ARHGEF26: variants seen among roughly 807,000 people sequenced by gnomAD.
ARHGEF26 encodes Rho guanine nucleotide exchange factor 26, also known as Rho guanine nucleotide exchange factor (GEF) 26.
In ARHGEF26, 59 loss-of-function variants were observed where a neutral mutation model predicts 89.4. That is an observed-to-expected ratio of 0.66 (90% confidence interval 0.54 to 0.82). The LOEUF (loss-of-function observed/expected upper bound fraction) is 0.82. Among genes scored for constraint, ARHGEF26 ranks in the 40% least tolerant of loss-of-function variants. The pLI is 0.00. For synonymous variants in ARHGEF26, 500 were observed against 428.4 expected (o/e 1.17, Z -2.06); for missense variants, 1,234 against 1,085.6 (o/e 1.14, Z -1.92).
chr3:154,228,741 G>C (rs1716646319), intron 11 of ARHGEF26, among the ~76,000 whole-genome samples: 1 of 152,178 alleles, frequency 6.6e-6, no homozygotes, highest in East Asian at 1.9e-4. Context: ...TCAAGGAGGC[G>C]AACTGCAAAT....
At chr3:154,132,165 T>C (rs972562310) in intron 4 of ARHGEF26, among the ~76,000 whole-genome samples, 6 of 152,224 alleles carry the variant, frequency 3.9e-5, no homozygotes, top group African/African-American at 1.4e-4. Flanking sequence ...GTGTCTTCTT[T>C]TCACTTACAT....
chr3:154,256,960 A>G lies in ARHGEF26; in HGVS notation c.*1487A>G. 6 of 1,532,086 alleles carry G rather than the reference A, an allele frequency of 3.9e-6. No individual in the cohort carries two copies. Among genetic ancestry groups the G allele is most frequent in the East Asian group, 2.5e-5 (1 of 40,752 alleles). The allele number at this position is 1,532,086 out of a possible 1,614,324, so 94.9% of individuals were successfully genotyped here. ...GGGGAAATGATTTTTACTGGCAGCT[A>G]TATTCCCTCTCTGTTCTATTTGCTT... On this transcript the variant is annotated 3_prime_UTR_variant, in exon 15 of 15. Coordinates refer to ENST00000465093, the MANE Select transcript of ARHGEF26 (RefSeq NM_015595.4).
intron 12 of ARHGEF26, among the ~76,000 whole-genome samples, chr3:154,249,859 C>T (rs188682634): frequency 6.5e-4 from 99 of 152,272 alleles, no homozygotes; most frequent in East Asian, 1.9e-4. Flanking sequence ...TATATCGATA[C>T]GTCCCTGGAG....
chr3:154,224,774 G>A (rs1412662890), intron 10 of ARHGEF26, among the ~76,000 whole-genome samples: 1 of 152,076 alleles, frequency 6.6e-6, no homozygotes, highest in Non-Finnish European at 1.5e-5. Context: ...TTTTATCTTC[G>A]TTTTTTGGAC....
At chr3:154,147,978 A>G (rs967081565) in intron 4 of ARHGEF26, among the ~76,000 whole-genome samples, 5 of 152,130 alleles carry the variant, frequency 3.3e-5, no homozygotes, top group African/African-American at 1.2e-4. Flanking sequence ...AGTCTCTGAA[A>G]TCTTCTTGCC....
intron 4 of ARHGEF26, among the ~76,000 whole-genome samples, chr3:154,148,488 GTACTCTTAATTCCTCAGTAAAGTAGCTGT>G (rs2108089129): frequency 6.6e-6 from 1 of 152,308 alleles, no homozygotes; most frequent in African/African-American, 2.4e-5. Context: ...ATAGGACAAA[GTACTCTTAATTCCTCAGTAAAGTAGCTGT>G]CATCTGTGTA....
intron 6 of ARHGEF26, among the ~76,000 whole-genome samples, chr3:154,173,435 T>G (rs896214695): frequency 1.3e-5 from 2 of 152,158 alleles, no homozygotes; most frequent in African/African-American, 4.8e-5. Context: ...GTAATTGAAC[T>G]GTAAAAGTTC....
chr3:154,192,389 A>T (rs919224803), intron 8 of ARHGEF26, among the ~76,000 whole-genome samples: 3 of 152,230 alleles, frequency 2.0e-5, no homozygotes, highest in Non-Finnish European at 2.9e-5. Flanking sequence ...AAATTTTGAA[A>T]TGTGTAAAAG....
At chr3:154,197,604 A>G (rs1172833296) in intron 9 of ARHGEF26, among the ~76,000 whole-genome samples, 1 of 152,198 alleles carries the variant, frequency 6.6e-6, no homozygotes, top group African/African-American at 2.4e-5. Flanking sequence ...AATGCAGTTT[A>G]TTTGCAAGAT....
chr3:154,182,625 G>T (rs768673253), intron 6 of ARHGEF26, among the ~76,000 whole-genome samples: 1 of 152,188 alleles, frequency 6.6e-6, no homozygotes, highest in Non-Finnish European at 1.5e-5. Flanking sequence ...CTTGGAAAAT[G>T]ATCTTTTTCT....
At chr3:154,229,407 G>A (rs1333624564) in intron 11 of ARHGEF26, among the ~76,000 whole-genome samples, 2 of 152,166 alleles carry the variant, frequency 1.3e-5, no homozygotes, top group Admixed American at 1.3e-4. Context: ...AGCCCTGGCT[G>A]CTAGTGAGTC....
chr3:154,149,228 T>C (rs1400254419), intron 4 of ARHGEF26, among the ~76,000 whole-genome samples, 161 bp from the exon 5 acceptor site: 2 of 71,162 alleles, frequency 2.8e-5, no homozygotes, highest in Non-Finnish European at 5.4e-5. Flanking sequence ...ATTTATTAAA[T>C]AACTGTTGAT....
chr3:154,176,086 C>T (rs921856402), intron 6 of ARHGEF26, among the ~76,000 whole-genome samples: 4 of 152,194 alleles, frequency 2.6e-5, no homozygotes, highest in Non-Finnish European at 4.4e-5. Context: ...TCTAGCTATC[C>T]AGTGGTGCCT....
At chr3:154,187,380 A>ATT (rs35918903) in intron 6 of ARHGEF26, among the ~76,000 whole-genome samples, 2,395 of 126,772 alleles carry the variant, frequency 0.019, 29 homozygotes, top group Non-Finnish European at 0.025. Flanking sequence ...CAATAACTTG[A>ATT]TTTTTTTTTT....
intron 12 of ARHGEF26, among the ~76,000 whole-genome samples, chr3:154,240,907 T>C (rs1194160421): frequency 6.6e-6 from 1 of 152,212 alleles, no homozygotes; most frequent in East Asian, 1.9e-4. Flanking sequence ...CCTTAAGGAA[T>C]ATGACTCAAC....
chr3:154,150,938 CTTA>C (rs1351841821), intron 5 of ARHGEF26, among the ~76,000 whole-genome samples: 2 of 152,250 alleles, frequency 1.3e-5, no homozygotes, highest in East Asian at 3.9e-4. Context: ...TTTTATTAAA[CTTA>C]TTATAATAAA....
chr3:154,240,320 C>A, intron 11 of ARHGEF26, 50 bp from the exon 12 acceptor site: 3 of 1,417,522 alleles, frequency 2.1e-6, no homozygotes, highest in South Asian at 1.4e-5. Flanking sequence ...CTGACAATGT[C>A]AGTCTTATCT....
chr3:154,216,174 A>G (rs893923592), intron 9 of ARHGEF26, among the ~76,000 whole-genome samples: 7 of 152,148 alleles, frequency 4.6e-5, no homozygotes, highest in Non-Finnish European at 8.8e-5. Context: ...AAATCCAATT[A>G]AAATTTCCAG....
At chr3:154,131,065 C>A (rs2108050303) in intron 4 of ARHGEF26, among the ~76,000 whole-genome samples, 1 of 152,294 alleles carries the variant, frequency 6.6e-6, no homozygotes, top group East Asian at 1.9e-4. Context: ...AGAATCTGTT[C>A]ATTTCCAGGG....
Sources: allele counts gnomAD v4.1 joint callset (sites outside exome capture counted in the v4.1 genomes callset), GRCh38; gene constraint gnomAD v4.1.1; transcripts MANE v1.5; gene names NCBI Gene and HGNC (gene_info 2026-07-23, HGNC 2026-07-21).